Variants in PTPRA observed in about 807,000 individuals in gnomAD.
PTPRA encodes the protein receptor-type tyrosine-protein phosphatase alpha.
Under a neutral mutation model 104.8 loss-of-function variants are expected in PTPRA, and 25 were observed. The ratio of observed to expected loss-of-function variants is 0.24; its 90% confidence interval spans 0.17 to 0.33. The LOEUF is 0.33. Ranked by LOEUF, PTPRA falls within the 10% of genes least tolerant of loss-of-function variation. The probability of loss-of-function intolerance (pLI) is 1.00; values close to 1 mark genes in which losing one functional copy is unlikely to be tolerated. For missense variants in PTPRA, 765 were observed against 1,015.3 expected (o/e 0.75, Z 3.35); for synonymous variants, 323 against 368.9 (o/e 0.88, Z 1.43).
At chr20:2,886,551 A>G in intron 1 of PTPRA, among the ~76,000 whole-genome samples, 1 of 152,130 alleles carries the variant, frequency 6.6e-6, no homozygotes, top group East Asian at 1.9e-4. Flanking sequence ...TTTGTTAGAA[A>G]TAGAAAAATG....
chr20:2,875,179 C>A (rs2089636613), intron 1 of PTPRA, among the ~76,000 whole-genome samples: 1 of 152,114 alleles, frequency 6.6e-6, no homozygotes, highest in African/African-American at 2.4e-5. Flanking sequence ...GTTTTGAAGG[C>A]CTGCTTGGAG....
At chr20:2,982,886 G>A (rs981121440) in intron 6 of PTPRA, among the ~76,000 whole-genome samples, 2 of 152,072 alleles carry the variant, frequency 1.3e-5, no homozygotes, top group East Asian at 3.9e-4. Context: ...TTTTAGTAGA[G>A]ATGGGGTTTC....
At chr20:2,943,217 C>CA (rs956774177) in intron 2 of PTPRA, among the ~76,000 whole-genome samples, 3 of 145,616 alleles carry the variant, frequency 2.1e-5, no homozygotes, top group Admixed American at 6.8e-5. Context: ...CCCCCCACCC[C>CA]CCCCCCAGAT....
chr20:2,922,700 C>T (rs1354459260), intron 1 of PTPRA, among the ~76,000 whole-genome samples: 2 of 151,070 alleles, frequency 1.3e-5, no homozygotes, highest in Non-Finnish European at 2.9e-5. Context: ...TGCAGTGGCG[C>T]GATCTGGGCT....
chr20:3,032,831 T>C (rs1210618720), intron 20 of PTPRA, among the ~76,000 whole-genome samples: 1 of 151,592 alleles, frequency 6.6e-6, no homozygotes, highest in South Asian at 2.1e-4. Context: ...CCTTCCAGGC[T>C]TGGCCCCACT....
At chr20:2,914,043 A>G (rs1162318040) in intron 1 of PTPRA, among the ~76,000 whole-genome samples, 1 of 152,064 alleles carries the variant, frequency 6.6e-6, no homozygotes. Context: ...GGACTTACGG[A>G]TTCATATTTT....
upstream of PTPRA, among the ~76,000 whole-genome samples, chr20:2,871,051 G>C (rs906253890): frequency 6.6e-6 from 1 of 152,174 alleles, no homozygotes; most frequent in Non-Finnish European, 1.5e-5. Flanking sequence ...AGGGGGCTCT[G>C]TCTTCTTCCA....
chr20:3,000,081 C>G (rs546720679), intron 9 of PTPRA, among the ~76,000 whole-genome samples: 1 of 151,884 alleles, frequency 6.6e-6, no homozygotes, highest in East Asian at 1.9e-4. Flanking sequence ...GTCAGGAGTT[C>G]GAGACCAGCC....
rs1568649394 is a variant in PTPRA at position 2,910,037 on chromosome 20, CATATATAATATATATCATATCAT to C, written c.-128-13164_-128-13142del. On this transcript the variant is annotated intron_variant, in intron 1 of 23. Coordinates refer to ENST00000399903, the MANE Select transcript of PTPRA (RefSeq NM_001385305.1). ...ATATATAATCTATCATATATCATAT[CATATATAATATATATCATATCAT>C]ATATAATATATATGATGTATAGTAT... is the stretch of plus-strand genomic sequence containing the variant. 1.2e-4 allele frequency among the ~76,000 whole-genome samples: 14 copies of C among 118,150 alleles called. No homozygotes were observed. In the Admixed American group the frequency reaches 1.4e-3, roughly 12 times the overall value. The allele number at this position is 118,150 out of a possible 152,430, so 77.5% of individuals were successfully genotyped here. A position where few individuals can be genotyped will look rare whatever the true frequency, so the allele number is the denominator to read the frequency against.
chr20:2,876,901 C>T (rs577248331), intron 1 of PTPRA, among the ~76,000 whole-genome samples: 1 of 152,276 alleles, frequency 6.6e-6, no homozygotes, highest in East Asian at 1.9e-4. Context: ...AAATCCTCCC[C>T]CACCCTATGC....
chr20:2,875,118 G>C (rs1472818157), intron 1 of PTPRA, among the ~76,000 whole-genome samples: 2 of 152,042 alleles, frequency 1.3e-5, no homozygotes, highest in African/African-American at 2.4e-5. Context: ...TCTCTCTTAT[G>C]CCTAGGCTCT....
intron 1 of PTPRA, among the ~76,000 whole-genome samples, chr20:2,889,365 C>T (rs886278527): frequency 6.6e-6 from 1 of 152,170 alleles, no homozygotes; most frequent in African/African-American, 2.4e-5. Flanking sequence ...TTTACACAGT[C>T]AGTCTGTCAG....
At position 2,894,170 on chromosome 20, in the gene PTPRA, T is replaced by G. The variant is rs367916373; in HGVS notation, c.-129+20410T>G. ...TGAGGTTTATTGATACAGAAATGTT[T>G]GGTTCAGTGTTTGTCTTCCAGTTTT... On this transcript the variant is annotated intron_variant, in intron 1 of 23. Coordinates refer to ENST00000399903, the MANE Select transcript of PTPRA (RefSeq NM_001385305.1). 3.3e-5 allele frequency among the ~76,000 whole-genome samples: 5 copies of G among 152,348 alleles called. No individual in the cohort carries two copies. The East Asian group carries it at 9.6e-4, about 29-fold the overall frequency.
Position 2,931,262 on chromosome 20 carries a change from T to C in PTPRA, c.-50+7977T>C, listed in dbSNP as rs897426384. Among the ~76,000 whole-genome samples, 10 of 152,018 alleles carry C rather than the reference T, an allele frequency of 6.6e-5. 1 individual carries two copies. The highest frequency in any genetic ancestry group is 2.4e-4 in the African/African-American group (10 of 41,378). On this transcript the variant is annotated intron_variant, in intron 2 of 23. Transcript: ENST00000399903. The stretch of plus-strand genomic sequence containing the variant: ...ATAGAGGCATGAAATGGGTTGGTGG[T>C]TATGCAAGTAGAAAGACCAGAGAGA...
chr20:2,991,087 C>T (rs2063152173), intron 9 of PTPRA, among the ~76,000 whole-genome samples: 1 of 152,178 alleles, frequency 6.6e-6, no homozygotes, highest in Non-Finnish European at 1.5e-5. Context: ...GGCACAGTGG[C>T]TCACACCTGT....
At chr20:3,017,478 A>C (rs1180558260) in intron 12 of PTPRA, among the ~76,000 whole-genome samples, 1 of 152,198 alleles carries the variant, frequency 6.6e-6, no homozygotes, top group African/African-American at 2.4e-5. Context: ...TGCCATATGA[A>C]GCACTTAGCT....
At chr20:2,946,859 A>AAT (rs1555804895) in intron 2 of PTPRA, among the ~76,000 whole-genome samples, 4 of 150,854 alleles carry the variant, frequency 2.7e-5, no homozygotes, top group African/African-American at 7.3e-5. Context: ...GAAAAAAAAA[A>AAT]AATAATAATA....
At chr20:2,910,397 T>A (rs1263010525) in intron 1 of PTPRA, among the ~76,000 whole-genome samples, 1 of 100,214 alleles carries the variant, frequency 1.0e-5, no homozygotes, top group African/African-American at 5.5e-5. Flanking sequence ...ATTTTATATA[T>A]AATATATTTT....
rs1242994809 is a variant in PTPRA at position 3,019,901 on chromosome 20, G to A, written c.1042-1408G>A. 7.9e-5 allele frequency among the ~76,000 whole-genome samples: 12 copies of A among 152,156 alleles called. 1 individual carries two copies. In the South Asian group the frequency reaches 1.9e-3, roughly 24 times the overall value. On this transcript the variant is annotated intron_variant, in intron 13 of 23. Transcript: ENST00000399903. The stretch of plus-strand genomic sequence containing the variant: ...AGCCCGGCCAACACAGCGAAACCCC[G>A]TCTCCACCAAAAAAATACGAAAACC...
Sources: allele counts gnomAD v4.1 joint callset (sites outside exome capture counted in the v4.1 genomes callset), GRCh38; gene constraint gnomAD v4.1.1; transcripts MANE v1.5; gene names NCBI Gene and HGNC (gene_info 2026-07-23, HGNC 2026-07-21).